Variants in NRCAM observed in about 807,000 individuals in gnomAD.
NRCAM encodes NgCAM-related cell adhesion molecule.
NRCAM carries 83 observed loss-of-function variants against 156.5 expected under a neutral mutation model. The ratio of observed to expected loss-of-function variants is 0.53; its 90% CI spans 0.44 to 0.64. The LOEUF (loss-of-function observed/expected upper bound fraction) is 0.64, where lower values mean the gene tolerates loss of function less well. Ranked by LOEUF, NRCAM falls within the 30% of genes least tolerant of loss-of-function variation. NRCAM has a pLI of 0.00. For missense variants in NRCAM, 1,417 were observed against 1,597.3 expected (o/e 0.89, Z 1.92); for synonymous variants, 538 against 563.9 (o/e 0.95, Z 0.65).
chr7:108,151,747 A>G (rs1318599792), intron 32 of NRCAM, among the ~76,000 whole-genome samples: 4 of 152,208 alleles, frequency 2.6e-5, no homozygotes. Context: ...AATAGCCTAC[A>G]CAACATCTCT....
At chr7:108,237,836 TA>T in intron 4 of NRCAM, 67 bp from the exon 5 acceptor site, 1 of 1,248,134 alleles carries the variant, frequency 8.0e-7, no homozygotes, top group Non-Finnish European at 1.1e-6. Context: ...ATGTTAATAA[TA>T]AGAACGTTAG....
intron 30 of NRCAM, among the ~76,000 whole-genome samples, chr7:108,161,985 T>A (rs2049355208): frequency 6.6e-6 from 1 of 152,238 alleles, no homozygotes; most frequent in Non-Finnish European, 1.5e-5. Flanking sequence ...GTCATGATGA[T>A]GAAGATGAGG....
intron 11 of NRCAM, among the ~76,000 whole-genome samples, chr7:108,223,444 C>T (rs1278530819): frequency 6.6e-6 from 1 of 152,098 alleles, no homozygotes; most frequent in Non-Finnish European, 1.5e-5. Flanking sequence ...TAAGATACTA[C>T]TACTATATTA....
intron 2 of NRCAM, among the ~76,000 whole-genome samples, chr7:108,349,394 G>A (rs943310124): frequency 2.6e-5 from 4 of 151,428 alleles, no homozygotes; most frequent in East Asian, 1.9e-4. Context: ...TCAGCCTCCC[G>A]AGTAGCTGGG....
chr7:108,381,788 T>G (rs2099702796), intron 2 of NRCAM, among the ~76,000 whole-genome samples: 1 of 152,106 alleles, frequency 6.6e-6, no homozygotes, highest in African/African-American at 2.4e-5. Flanking sequence ...CTCAAACTCC[T>G]GACCTCAGGT....
chr7:108,221,098 GCTCAACATC>G (rs1444735230), intron 11 of NRCAM, among the ~76,000 whole-genome samples: 3 of 152,156 alleles, frequency 2.0e-5, no homozygotes, highest in Non-Finnish European at 4.4e-5. Flanking sequence ...ATGAAAAAAT[GCTCAACATC>G]ACTAATGATC....
chr7:108,426,304 T>A (rs1202937850), intron 1 of NRCAM, among the ~76,000 whole-genome samples: 1 of 152,244 alleles, frequency 6.6e-6, no homozygotes. Context: ...ATGGGGACAA[T>A]AAAACATACC....
chr7:108,369,827 T>C (rs568297230), intron 2 of NRCAM, among the ~76,000 whole-genome samples: 1 of 152,252 alleles, frequency 6.6e-6, no homozygotes, highest in South Asian at 2.1e-4. Context: ...TTTGAAGCCA[T>C]TATGCTTCAG....
At chr7:108,346,037 G>A (rs961145456) in intron 2 of NRCAM, among the ~76,000 whole-genome samples, 2 of 152,192 alleles carry the variant, frequency 1.3e-5, no homozygotes, top group African/African-American at 4.8e-5. Context: ...TTCGATGGCT[G>A]TGTGGGGGAC....
intron 11 of NRCAM, among the ~76,000 whole-genome samples, chr7:108,216,608 T>C (rs776105546): frequency 6.6e-6 from 1 of 152,160 alleles, no homozygotes; most frequent in Non-Finnish European, 1.5e-5. Context: ...ACTTCATTCA[T>C]TCTTTTTCAT....
intron 13 of NRCAM, among the ~76,000 whole-genome samples, chr7:108,204,423 G>A (rs563354827): frequency 1.9e-4 from 29 of 152,330 alleles, no homozygotes; most frequent in African/African-American, 5.5e-4. Context: ...CAGGGTCATC[G>A]TGCAGAAAGC....
At chr7:108,279,770 C>T (rs1030825135) in intron 3 of NRCAM, among the ~76,000 whole-genome samples, 2 of 151,882 alleles carry the variant, frequency 1.3e-5, no homozygotes, top group African/African-American at 2.4e-5. Context: ...CTGTGTTGCC[C>T]AGGCCAGTCT....
At chr7:108,378,268 C>A (rs1314888204) in intron 2 of NRCAM, among the ~76,000 whole-genome samples, 1 of 151,570 alleles carries the variant, frequency 6.6e-6, no homozygotes, top group Non-Finnish European at 1.5e-5. Context: ...AAAAATGAAG[C>A]CAATTTGAAA....
At chr7:108,325,539 A>C (rs2099059040) in intron 2 of NRCAM, among the ~76,000 whole-genome samples, 2 of 151,720 alleles carry the variant, frequency 1.3e-5, no homozygotes, top group South Asian at 4.2e-4. Context: ...CTTGTATGTC[A>C]TCTCTATGGA....
chr7:108,182,104 ATT>A (rs5886443), intron 23 of NRCAM, among the ~76,000 whole-genome samples, 167 bp from the exon 24 acceptor site: 68 of 150,148 alleles, frequency 4.5e-4, no homozygotes, highest in African/African-American at 6.9e-4. Context: ...TTTGTGAGAG[ATT>A]TTTTTTTTTT....
chr7:108,294,863 C>A (rs1187667066), intron 3 of NRCAM, among the ~76,000 whole-genome samples: 1 of 151,922 alleles, frequency 6.6e-6, no homozygotes, highest in Non-Finnish European at 1.5e-5. Flanking sequence ...ATCTCTGGTG[C>A]CAAGTTGTCT....
intron 1 of NRCAM, among the ~76,000 whole-genome samples, chr7:108,434,690 C>T (rs1198902438): frequency 6.6e-6 from 1 of 152,140 alleles, no homozygotes; most frequent in Non-Finnish European, 1.5e-5. Flanking sequence ...GAGTGGAAGC[C>T]TTATTGGCTG....
intron 3 of NRCAM, among the ~76,000 whole-genome samples, chr7:108,264,828 G>A (rs574697206): frequency 5.3e-5 from 8 of 152,162 alleles, no homozygotes; most frequent in East Asian, 1.9e-4. Flanking sequence ...CCAATTCCAC[G>A]TGTTTTGAGG....
chr7:108,160,288 T>A, intron 31 of NRCAM, 73 bp downstream of exon 31: 3 of 1,413,104 alleles, frequency 2.1e-6, no homozygotes, highest in Non-Finnish European at 3.0e-6. Flanking sequence ...TCTACATGAT[T>A]TCCCCCATGA....
Sources: allele counts gnomAD v4.1 joint callset (sites outside exome capture counted in the v4.1 genomes callset), GRCh38; gene constraint gnomAD v4.1.1; transcripts MANE v1.5; gene names NCBI Gene and HGNC (gene_info 2026-07-23, HGNC 2026-07-21).